The following ZFP2 variants were observed in gnomAD, a reference collection of about 807,000 sequenced individuals.
The protein encoded by ZFP2 is zinc finger protein ZFP2.
ZFP2 carries 33 observed loss-of-function variants against 36.1 expected under a neutral mutation model. The observed-to-expected ratio is 0.92, with a 90% confidence interval of 0.69 to 1.22. The LOEUF is 1.22. Among genes scored for constraint, ZFP2 ranks in the 50% most tolerant of loss-of-function variants. ZFP2 has a pLI of 0.00. For missense variants in ZFP2, 522 were observed against 551.4 expected (o/e 0.95, Z 0.53); for synonymous variants, 170 against 178.0 (o/e 0.96, Z 0.36).
rs879000777 is a variant in ZFP2, at chr5:178,932,426, G to A, written c.1113G>A (p.Val371=). 14 of 1,613,872 alleles carry A rather than the reference G, an allele frequency of 8.7e-6. No individual in the cohort carries two copies. Among genetic ancestry groups the A allele is most frequent in the Non-Finnish European group, 1.2e-5 (14 of 1,179,974 alleles). The change falls in exon 5 of 5, where the codon GTG becomes GTA. Residue 371 remains valine, a synonymous_variant. Coordinates refer to ENST00000361362, the MANE Select transcript of ZFP2 (RefSeq NM_030613.4). ...TCACTGGACGATCATCCCTTACCGT[G>A]CATCAGGTCATTCACACTGGAGAGA... ...KHFTGRSSLT[V]HQVIHTGEKP...
intron 1 of ZFP2, among the ~76,000 whole-genome samples, chr5:178,901,763 A>G (rs932288229): frequency 8.2e-5 from 9 of 109,210 alleles, no homozygotes; most frequent in Non-Finnish European, 1.8e-4. Context: ...GTTATTTTCA[A>G]GGGTGGAAAA....
At chr5:178,914,759 CATT>C (rs1037035225) in intron 3 of ZFP2, among the ~76,000 whole-genome samples, 44 of 152,216 alleles carry the variant, frequency 2.9e-4, no homozygotes. Flanking sequence ...AAGAGAATGA[CATT>C]AGTTAACAGG....
At chr5:178,908,407 A>G (rs1439327482) in intron 1 of ZFP2, among the ~76,000 whole-genome samples, 1 of 151,542 alleles carries the variant, frequency 6.6e-6, no homozygotes, top group Non-Finnish European at 1.5e-5. Context: ...AGATTGCGCC[A>G]CTGCACTCCA....
intron 1 of ZFP2, among the ~76,000 whole-genome samples, chr5:178,897,171 C>T (rs1032762949): frequency 1.3e-5 from 2 of 152,000 alleles, no homozygotes; most frequent in African/African-American, 4.8e-5. Context: ...TTTGATACCT[C>T]CTGTCTTATT....
chr5:178,917,022 A>G (rs1581836667), intron 4 of ZFP2, among the ~76,000 whole-genome samples: 3 of 152,242 alleles, frequency 2.0e-5, no homozygotes, highest in Admixed American at 2.0e-4. Flanking sequence ...CTGCAAATCC[A>G]GAAGTGCTGT....
rs999564548 is a variant in ZFP2 at position 178,902,643 on chromosome 5, A to G, written c.-450+6669A>G. On this transcript the variant is annotated intron_variant, in intron 1 of 4. Transcript: ENST00000361362. The stretch of plus-strand genomic sequence containing the variant: ...TAATTAAAATTTGAATGGCTGATAC[A>G]GTCAGTGTTCAGAATTCAAAAATAA... Among the ~76,000 whole-genome samples, 4 of 152,150 alleles carry G rather than the reference A, an allele frequency of 2.6e-5. No individual in the cohort carries two copies. The East Asian group carries it at 7.7e-4, about 29-fold the overall frequency.
chr5:178,915,333 T>C (rs1244385774), intron 3 of ZFP2, among the ~76,000 whole-genome samples: 1 of 141,994 alleles, frequency 7.0e-6, no homozygotes, highest in East Asian at 2.0e-4. Flanking sequence ...TTTTTTTTTT[T>C]TTTTTTTTTT....
intron 4 of ZFP2, among the ~76,000 whole-genome samples, chr5:178,918,108 G>GT (rs1758479603): frequency 6.6e-6 from 1 of 152,090 alleles, no homozygotes; most frequent in Non-Finnish European, 1.5e-5. Flanking sequence ...TTTCTGTAAG[G>GT]TATACCACTT....
At chr5:178,899,468 CTT>C (rs563711545) in intron 1 of ZFP2, among the ~76,000 whole-genome samples, 199 of 152,236 alleles carry the variant, frequency 1.3e-3, no homozygotes, top group African/African-American at 4.4e-3. Context: ...TGTGTATAGA[CTT>C]TTAGAGGTGG....
chr5:178,917,955 A>G (rs1758476748), intron 4 of ZFP2, among the ~76,000 whole-genome samples: 1 of 152,212 alleles, frequency 6.6e-6, no homozygotes, highest in African/African-American at 2.4e-5. Flanking sequence ...AGATAGTCCT[A>G]TGACTTCCTC....
intron 1 of ZFP2, chr5:178,909,733 C>T (rs1010213614): frequency 9.7e-6 from 15 of 1,546,434 alleles, no homozygotes; most frequent in South Asian, 1.3e-5. Flanking sequence ...GGACACAAGC[C>T]CTCGGGCCTT....
At chr5:178,917,754 A>G (rs1354913593) in intron 4 of ZFP2, among the ~76,000 whole-genome samples, 2 of 152,264 alleles carry the variant, frequency 1.3e-5, no homozygotes, top group East Asian at 1.9e-4. Flanking sequence ...ATCTGCCTGC[A>G]TGCTCACATG....
At chr5:178,918,623 C>T (rs535849011) in intron 4 of ZFP2, among the ~76,000 whole-genome samples, 14 of 152,016 alleles carry the variant, frequency 9.2e-5, no homozygotes, top group African/African-American at 3.1e-4. Flanking sequence ...TATAAGTTAA[C>T]GAGTGAAGGC....
chr5:178,931,814 TAGTC>T lies in ZFP2; in HGVS notation c.504_507del (p.Ser168ArgfsTer3). ...AATGTAATGAATGTGGGAAAGCCTT[TAGTC>T]AGAGCATGAATCTTACTGTCCATCA... is the stretch of plus-strand genomic sequence containing the variant. On this transcript the variant is annotated frameshift_variant, in exon 5 of 5. Coordinates refer to ENST00000361362, the MANE Select transcript of ZFP2 (RefSeq NM_030613.4). LOFTEE classifies it high-confidence loss of function. The T allele has an allele frequency of 1.9e-6, 3 of 1,613,938 alleles. No homozygotes were observed. The highest frequency in any genetic ancestry group is 2.2e-5 in the East Asian group (1 of 44,848).
intron 3 of ZFP2, among the ~76,000 whole-genome samples, chr5:178,916,236 T>A (rs1437113836): frequency 6.6e-6 from 1 of 152,062 alleles, no homozygotes; most frequent in Non-Finnish European, 1.5e-5. Flanking sequence ...GATTTGGTGA[T>A]GAGGGAGTGG....
rs191236047 is a variant in ZFP2, at chr5:178,912,025, C to T, written c.-449-559C>T. On this transcript the variant is annotated intron_variant, in intron 1 of 4. Transcript: ENST00000361362. ...GTGGGCACCTGTAATCCCAGCTACT[C>T]GGGAGGCTGAGGCAGAAGAATTTCT... Among the ~76,000 whole-genome samples, 380 of 152,120 alleles carry T rather than the reference C, an allele frequency of 2.5e-3. 1 individual carries two copies. Among genetic ancestry groups the T allele is most frequent in the African/African-American group, 8.7e-3 (360 of 41,496 alleles).
intron 3 of ZFP2, among the ~76,000 whole-genome samples, chr5:178,913,306 G>C (rs1758336286): frequency 6.6e-6 from 1 of 152,148 alleles, no homozygotes; most frequent in Non-Finnish European, 1.5e-5. Flanking sequence ...CCACTGCGTG[G>C]AACATACTGA....
At chr5:178,926,350 C>G (rs1311342038) in intron 4 of ZFP2, among the ~76,000 whole-genome samples, 1 of 152,048 alleles carries the variant, frequency 6.6e-6, no homozygotes, top group African/African-American at 2.4e-5. Flanking sequence ...AGAAGCAGTT[C>G]TGTCTGGACT....
chr5:178,927,816 C>T (rs112473730), intron 4 of ZFP2, among the ~76,000 whole-genome samples: 12,767 of 151,462 alleles, frequency 0.084, 675 homozygotes, highest in Non-Finnish European at 0.12. Context: ...GGATTACAGC[C>T]GTGAGCCACC....
Sources: gnomAD v4.1 joint callset for allele counts (sites outside exome capture counted in the v4.1 genomes callset) on GRCh38, gnomAD v4.1.1 for gene constraint, MANE v1.5 for transcripts, NCBI Gene and HGNC (gene_info 2026-07-23, HGNC 2026-07-21) for gene names.